HORMAD2: variants seen among roughly 807,000 people sequenced by gnomAD.
HORMAD2 encodes the protein HORMA domain containing 2, also known as HORMA domain-containing protein 2.
Under a neutral mutation model 38.8 loss-of-function variants are expected in HORMAD2, and 45 were observed. The ratio of observed to expected loss-of-function variants is 1.16; its 90% CI spans 0.91 to 1.49. The LOEUF is 1.49. Among genes scored for constraint, HORMAD2 ranks in the 40% most tolerant of loss-of-function variants. HORMAD2 has a pLI of 0.00. For synonymous variants in HORMAD2, 126 were observed against 122.8 expected (o/e 1.03, Z -0.17); for missense variants, 338 against 367.0 (o/e 0.92, Z 0.65).
At chr22:30,152,120 C>A (rs1924789368) in intron 10 of HORMAD2, among the ~76,000 whole-genome samples, 1 of 152,148 alleles carries the variant, frequency 6.6e-6, no homozygotes, top group African/African-American at 2.4e-5. Context: ...CCCAACTACT[C>A]TCTTCAAAAT....
chr22:30,183,447 T>C, the HORMAD2 span, among the ~76,000 whole-genome samples: 1 of 152,150 alleles, frequency 6.6e-6, no homozygotes, highest in African/African-American at 2.4e-5. Context: ...TGGTGGGACC[T>C]CCACTCAGCA....
chr22:30,114,009 G>C (rs1014556399), intron 7 of HORMAD2, among the ~76,000 whole-genome samples: 1 of 152,102 alleles, frequency 6.6e-6, no homozygotes, highest in Admixed American at 6.6e-5. Flanking sequence ...CATTTTCTTA[G>C]TGTAGTATTT....
upstream of HORMAD2, among the ~76,000 whole-genome samples, chr22:30,078,607 C>CCA (rs1234942826): frequency 0.016 from 437 of 28,112 alleles, 16 homozygotes; most frequent in African/African-American, 0.055. Flanking sequence ...CTCTGTCTCA[C>CCA]AAAAAAAAAA....
At chr22:30,096,830 G>A (rs941596828) in intron 2 of HORMAD2, among the ~76,000 whole-genome samples, 1 of 151,880 alleles carries the variant, frequency 6.6e-6, no homozygotes, top group Non-Finnish European at 1.5e-5. Flanking sequence ...TTTGTTTATT[G>A]GTCATTTGGG....
chr22:30,158,609 C>T (rs143198300), intron 10 of HORMAD2, among the ~76,000 whole-genome samples: 7 of 103,612 alleles, frequency 6.8e-5, no homozygotes, highest in South Asian at 4.3e-4. Flanking sequence ...CTCCCTCCCT[C>T]CGTCCCTCCC....
rs778398562 is a variant in HORMAD2 at position 30,121,758 on chromosome 22, A to G, written c.537A>G (p.Val179=). The G allele has an allele frequency of 9.9e-6, 16 of 1,612,372 alleles. No homozygotes were observed. The highest frequency in any genetic ancestry group is 8.5e-7 in the Non-Finnish European group (1 of 1,179,262). Reference sequence around the variant, plus strand: ...TTGAGCCACTTCCTAATAATGTTGTACTTACTATGAAACTCCACTACTATA... The same window carrying G: ...TTGAGCCACTTCCTAATAATGTTGTGCTTACTATGAAACTCCACTACTATA... ...QDLEPLPNNV[V]LTMKLHYYNA... is the part of the protein sequence containing the mutation. Residue 179 remains valine, a synonymous_variant, in exon 9 of 11, where the codon GTA becomes GTG. Transcript: ENST00000336726.
chr22:30,150,417 A>G (rs1924678898), intron 10 of HORMAD2, among the ~76,000 whole-genome samples: 1 of 152,058 alleles, frequency 6.6e-6, no homozygotes, highest in Non-Finnish European at 1.5e-5. Context: ...GTCAGAGGAT[A>G]TTAATTATCT....
intron 7 of HORMAD2, among the ~76,000 whole-genome samples, chr22:30,115,407 C>T (rs188721653): frequency 6.6e-6 from 1 of 152,142 alleles, no homozygotes; most frequent in Non-Finnish European, 1.5e-5. Context: ...TGCACTTGGC[C>T]AACACTCACC....
chr22:30,114,866 C>T (rs930276141), intron 7 of HORMAD2, among the ~76,000 whole-genome samples: 2 of 152,086 alleles, frequency 1.3e-5, no homozygotes, highest in South Asian at 2.1e-4. Flanking sequence ...AGATGACCAA[C>T]GAAAGTAACT....
chr22:30,204,041 A>G, the HORMAD2 span, among the ~76,000 whole-genome samples: 1 of 152,166 alleles, frequency 6.6e-6, no homozygotes. Flanking sequence ...CCCATGCCCT[A>G]TACTTGGGTG....
Position 30,125,216 on chromosome 22 carries a change from C to CTTTTTTTTTTTTTTTTTTTTT in HORMAD2, c.819+3008_819+3028dup, listed in dbSNP as rs1167990121. Among the ~76,000 whole-genome samples the CTTTTTTTTTTTTTTTTTTTTT allele has an allele frequency of 1.8e-3, 78 of 43,478 alleles. 15 individuals are homozygous for CTTTTTTTTTTTTTTTTTTTTT. Among genetic ancestry groups the CTTTTTTTTTTTTTTTTTTTTT allele is most frequent in the East Asian group, 3.2e-3 (5 of 1,584 alleles). 28.5% of individuals were successfully genotyped at this position (43,478 alleles called of 152,430 possible). A position where few individuals can be genotyped will look rare whatever the true frequency, so the allele number is the denominator to read the frequency against. Reference sequence around the variant, plus strand: ...CATCTTTTCACTTTCTTTTTCTTTTCTTTTTTTTTTTTTTTTTTTTTTTTT... The same window carrying CTTTTTTTTTTTTTTTTTTTTT: ...CATCTTTTCACTTTCTTTTTCTTTTCTTTTTTTTTTTTTTTTTTTTTTTTTTTTTTTTTTTTTTTTTTTTTT... On this transcript the variant is annotated intron_variant, in intron 10 of 10. Coordinates refer to ENST00000336726, the MANE Select transcript of HORMAD2 (RefSeq NM_152510.4).
chr22:30,089,876 T>C (rs2068650814), intron 1 of HORMAD2, among the ~76,000 whole-genome samples: 1 of 152,164 alleles, frequency 6.6e-6, no homozygotes, highest in Non-Finnish European at 1.5e-5. Context: ...TATTAAACTC[T>C]TTATTCCTTC....
intron 10 of HORMAD2, among the ~76,000 whole-genome samples, chr22:30,172,616 A>C (rs1601599025): frequency 1.3e-5 from 2 of 152,294 alleles, no homozygotes; most frequent in African/African-American, 4.8e-5. Context: ...GGCTGGGCAC[A>C]GTGGCTCATG....
rs1485900603 is a variant in HORMAD2, at chr22:30,088,373, A to C, written c.-37-5543A>C. ...ATTCCTAAGGAATTTACCAAATGCT[A>C]ATATTAACCTGCTTGAATCCTTTCT... On this transcript the variant is annotated intron_variant, in intron 1 of 10. Transcript: ENST00000336726. Among the ~76,000 whole-genome samples, 9 of 151,600 alleles carry C rather than the reference A, an allele frequency of 5.9e-5. No individual in the cohort carries two copies. The East Asian group carries it at 1.2e-3, about 19-fold the overall frequency.
In HORMAD2 at chr22:30,098,880, A is replaced by T; in HGVS notation, c.80A>T (p.Asn27Ile). The stretch of plus-strand genomic sequence containing the variant: ...ACAGTTTTCCCATCCCAAATCACTA[A>T]TGAGCATGAGTCATTGAAAATGGTG... ...KETVFPSQIT[N>I]EHESLKMVKK... The change falls in exon 3 of 11, where the codon AAT becomes ATT. Residue 27 changes from asparagine to isoleucine, a missense_variant. Coordinates refer to ENST00000336726, the MANE Select transcript of HORMAD2 (RefSeq NM_152510.4). 6.2e-7 allele frequency: 1 copy of T among 1,612,888 alleles called. No homozygotes were observed.
chr22:30,201,491 A>G, the HORMAD2 span, among the ~76,000 whole-genome samples: 28 of 138,114 alleles, frequency 2.0e-4, no homozygotes, highest in Admixed American at 6.0e-4. Context: ...ATCTCAGCTC[A>G]CTGCAGGCTC....
chr22:30,145,089 A>C (rs1278366089), intron 10 of HORMAD2, among the ~76,000 whole-genome samples: 2 of 152,162 alleles, frequency 1.3e-5, no homozygotes, highest in African/African-American at 4.8e-5. Flanking sequence ...TCTTGAACGG[A>C]GGCTTCTTCA....
At chr22:30,170,062 C>T (rs1008530235) in intron 10 of HORMAD2, among the ~76,000 whole-genome samples, 2 of 152,122 alleles carry the variant, frequency 1.3e-5, no homozygotes, top group African/African-American at 4.8e-5. Flanking sequence ...GGAATCAAAA[C>T]TAACATCAGT....
chr22:30,115,026 A>C (rs200088458), intron 7 of HORMAD2, among the ~76,000 whole-genome samples: 1 of 152,232 alleles, frequency 6.6e-6, no homozygotes, highest in South Asian at 2.1e-4. Flanking sequence ...ATATAAGACC[A>C]TATAGAATTA....
Sources: gnomAD v4.1 joint callset for allele counts (sites outside exome capture counted in the v4.1 genomes callset) on GRCh38, gnomAD v4.1.1 for gene constraint, MANE v1.5 for transcripts, NCBI Gene and HGNC (gene_info 2026-07-23, HGNC 2026-07-21) for gene names.